The following FBXL7 variants were observed in gnomAD, a reference collection of about 807,000 sequenced individuals.
The protein encoded by FBXL7 is F-box and leucine rich repeat protein 7, also known as F-box/LRR-repeat protein 7.
FBXL7 carries 12 observed loss-of-function variants against 38.3 expected under a neutral mutation model. The observed-to-expected ratio is 0.31, with a 90% confidence interval of 0.20 to 0.51. FBXL7 has a LOEUF of 0.51. Among genes scored for constraint, FBXL7 ranks in the 20% least tolerant of loss-of-function variants. FBXL7 has a pLI of 0.98. For synonymous variants in FBXL7, 297 were observed against 300.9 expected, an observed-to-expected ratio of 0.99 and a Z score of 0.13; for missense variants, 567 against 676.4, an observed-to-expected ratio of 0.84 and a Z score of 1.79.
At chr5:15,612,326 G>A (rs1740271979) in intron 1 of FBXL7, among the ~76,000 whole-genome samples, 1 of 152,160 alleles carries the variant, frequency 6.6e-6, no homozygotes, top group Non-Finnish European at 1.5e-5. Context: ...GAGAAAGCAT[G>A]TAAAGCATTT....
intron 1 of FBXL7, among the ~76,000 whole-genome samples, chr5:15,550,026 T>C (rs575105763): frequency 2.0e-5 from 3 of 152,290 alleles, no homozygotes; most frequent in Admixed American, 2.0e-4. Context: ...CAGAAACTTC[T>C]GTACAAAAAG....
chr5:15,500,703 C>A lies in FBXL7; in HGVS notation c.27C>A (p.Tyr9Ter). 1 of 1,609,280 alleles carries A rather than the reference C, an allele frequency of 6.2e-7. No individual in the cohort carries two copies. Among genetic ancestry groups the A allele is most frequent in the Non-Finnish European group, 8.5e-7 (1 of 1,177,528 alleles). The change falls in exon 1 of 4, where the codon TAC becomes TAA. Residue 9 changes from tyrosine to a stop codon, truncating the protein, a stop_gained. Transcript: ENST00000504595. LOFTEE classifies it high-confidence loss of function. The stretch of plus-strand genomic sequence containing the variant: ...TGGGCGCGAACAATGGCAAACAGTA[C>A]GGCAGTGAGGGTGAGTGGGCCGCCC... Reference protein sequence around the residue: MGANNGKQYGSEGKGSSSI... With the variant: MGANNGKQ
At chr5:15,627,464 G>A (rs1252489633) in intron 2 of FBXL7, among the ~76,000 whole-genome samples, 1 of 152,144 alleles carries the variant, frequency 6.6e-6, no homozygotes, top group African/African-American at 2.4e-5. Context: ...GAAAATGGAA[G>A]CTTCAAAACA....
At chr5:15,655,708 A>G (rs1047435275) in intron 2 of FBXL7, among the ~76,000 whole-genome samples, 2 of 152,170 alleles carry the variant, frequency 1.3e-5, no homozygotes, top group East Asian at 1.9e-4. Context: ...TTGCGGTCTT[A>G]GGAGAGCAGC....
chr5:15,572,474 C>T (rs765259027), intron 1 of FBXL7, among the ~76,000 whole-genome samples: 1 of 152,012 alleles, frequency 6.6e-6, no homozygotes, highest in Non-Finnish European at 1.5e-5. Flanking sequence ...GGTGTACTGC[C>T]CTCAAATGTG....
At chr5:15,784,636 T>A (rs1737085914) in intron 2 of FBXL7, among the ~76,000 whole-genome samples, 1 of 151,922 alleles carries the variant, frequency 6.6e-6, no homozygotes, top group South Asian at 2.1e-4. Context: ...TCTCAAGAGA[T>A]CCCATTGCTT....
chr5:15,578,003 G>C (rs1311203679), intron 1 of FBXL7, among the ~76,000 whole-genome samples: 2 of 152,062 alleles, frequency 1.3e-5, no homozygotes, highest in Non-Finnish European at 2.9e-5. Context: ...TTGGATTCTG[G>C]GTCCTTGTTT....
chr5:15,918,267 T>C (rs1004474195), intron 2 of FBXL7, among the ~76,000 whole-genome samples: 3 of 151,964 alleles, frequency 2.0e-5, no homozygotes, highest in African/African-American at 4.8e-5. Flanking sequence ...AATAAAGTCC[T>C]TCTGCGATTT....
chr5:15,931,226 G>C (rs901232622), intron 3 of FBXL7, among the ~76,000 whole-genome samples: 5 of 152,196 alleles, frequency 3.3e-5, no homozygotes, highest in Admixed American at 2.6e-4. Context: ...ACGAGAGGAA[G>C]TGGTAATAAA....
At chr5:15,543,901 C>T (rs997575170) in intron 1 of FBXL7, among the ~76,000 whole-genome samples, 1 of 152,154 alleles carries the variant, frequency 6.6e-6, no homozygotes, top group Non-Finnish European at 1.5e-5. Flanking sequence ...GCTCTGTCAG[C>T]AGTTGATGAG....
chr5:15,646,068 C>A (rs1443331468), intron 2 of FBXL7, among the ~76,000 whole-genome samples: 1 of 152,158 alleles, frequency 6.6e-6, no homozygotes, highest in Non-Finnish European at 1.5e-5. Context: ...ATGGTTAAGC[C>A]ACCAACCTCT....
rs1317838513 is a variant in FBXL7, at chr5:15,500,463, G to A, written c.-214G>A. 10 of 621,552 alleles carry A rather than the reference G, an allele frequency of 1.6e-5. No homozygotes were observed. The highest frequency in any genetic ancestry group is 8.5e-6 in the Non-Finnish European group (3 of 354,544). The allele number at this position is 621,552 out of a possible 1,614,324, so 38.5% of individuals were successfully genotyped here. ...ATTGTAAGTGCTGCAGCTGTGCCCG[G>A]CCCCGCCTGGAGCCACCGGGGGTGC... On this transcript the variant is annotated 5_prime_UTR_variant, in exon 1 of 4. Coordinates refer to ENST00000504595, the MANE Select transcript of FBXL7 (RefSeq NM_012304.5).
chr5:15,578,079 T>G (rs1470692430), intron 1 of FBXL7, among the ~76,000 whole-genome samples: 1 of 152,086 alleles, frequency 6.6e-6, no homozygotes, highest in Non-Finnish European at 1.5e-5. Context: ...CCTTGGCTGA[T>G]AGGAAGGCTG....
chr5:15,620,166 G>A (rs568802916), intron 2 of FBXL7, among the ~76,000 whole-genome samples: 1 of 151,994 alleles, frequency 6.6e-6, no homozygotes, highest in South Asian at 2.1e-4. Context: ...GAGTGTTGGG[G>A]CAGCTACCAC....
chr5:15,643,359 C>T (rs761424992), intron 2 of FBXL7, among the ~76,000 whole-genome samples: 1 of 152,160 alleles, frequency 6.6e-6, no homozygotes, highest in Non-Finnish European at 1.5e-5. Context: ...ATCACCTTGT[C>T]TCCTGTACCA....
At chr5:15,570,623 C>G (rs969245593) in intron 1 of FBXL7, among the ~76,000 whole-genome samples, 6 of 152,166 alleles carry the variant, frequency 3.9e-5, no homozygotes, top group Admixed American at 2.6e-4. Context: ...ATGCAAGGTA[C>G]AGACCTGAGC....
chr5:15,696,482 C>T (rs368578080), intron 2 of FBXL7, among the ~76,000 whole-genome samples: 1 of 152,036 alleles, frequency 6.6e-6, no homozygotes, highest in African/African-American at 2.4e-5. Flanking sequence ...GTAAGCTGAA[C>T]CTCGACCTAA....
At chr5:15,740,874 A>G (rs897432412) in intron 2 of FBXL7, among the ~76,000 whole-genome samples, 1 of 152,220 alleles carries the variant, frequency 6.6e-6, no homozygotes, top group African/African-American at 2.4e-5. Context: ...ATGTATCCAA[A>G]TTCCCTAATT....
At chr5:15,829,047 T>G (rs966591900) in intron 2 of FBXL7, among the ~76,000 whole-genome samples, 1 of 152,206 alleles carries the variant, frequency 6.6e-6, no homozygotes, top group Non-Finnish European at 1.5e-5. Context: ...TGGTGAAAGA[T>G]TCATGATCTA....
Sources: gnomAD v4.1 joint callset for allele counts (sites outside exome capture counted in the v4.1 genomes callset) on GRCh38, gnomAD v4.1.1 for gene constraint, MANE v1.5 for transcripts, NCBI Gene and HGNC (gene_info 2026-07-23, HGNC 2026-07-21) for gene names.